Variants in DYNC1H1 observed in about 807,000 individuals in gnomAD.
DYNC1H1 encodes the protein dynein cytoplasmic 1 heavy chain 1.
DYNC1H1 carries 51 observed loss-of-function variants against 527.1 expected under a neutral mutation model. The observed-to-expected ratio is 0.10, with a 90% confidence interval of 0.08 to 0.12. The LOEUF is 0.12. DYNC1H1 is among the 10% of genes least tolerant of loss of function. DYNC1H1 has a pLI of 1.00. For synonymous variants in DYNC1H1, 2,189 were observed against 2,278.8 expected, an observed-to-expected ratio of 0.96 and a Z score of 1.12; for missense variants, 2,771 against 5,971.8, an observed-to-expected ratio of 0.46 and a Z score of 17.66.
At position 102,009,898 on chromosome 14, in the gene DYNC1H1, C is replaced by T. The variant is rs1567010039; in HGVS notation, c.6033C>T (p.Asp2011=). The part of the protein sequence containing the change: ...LLNKQVKVSP[D]MAIFITMNPG... ...ACAAACAAGTCAAGGTGAGCCCGGA[C>T]ATGGCCATCTTCATCACCATGAACC... Residue 2011 remains aspartate, a synonymous_variant, in exon 30 of 78, where the codon GAC becomes GAT. Transcript: ENST00000360184. 3 of 1,614,118 alleles carry T rather than the reference C, an allele frequency of 1.9e-6. No individual in the cohort carries two copies. The highest frequency in any genetic ancestry group is 2.5e-6 in the Non-Finnish European group (3 of 1,180,026).
intron 1 of DYNC1H1, among the ~76,000 whole-genome samples, chr14:101,971,897 G>A (rs1402703461): frequency 6.6e-6 from 1 of 152,142 alleles, no homozygotes; most frequent in African/African-American, 2.4e-5. Flanking sequence ...GTTAACCAAG[G>A]AAGTGTTCAC....
At position 102,015,945 on chromosome 14, in the gene DYNC1H1, G is replaced by A. The variant is rs1212046786; in HGVS notation, c.7332G>A (p.Glu2444=). The change falls in exon 36 of 78, where the codon GAG becomes GAA. Residue 2444 remains glutamate (E), a synonymous_variant. Coordinates refer to ENST00000360184, the MANE Select transcript of DYNC1H1 (RefSeq NM_001376.5). The surrounding 1 kb of genome is among the most constrained non-coding windows in gnomAD (Gnocchi z 6.9). ...TKALEHAFQL[E]HIMDLTRLRC... Reference sequence around the variant, plus strand: ...CGCTAGAGCACGCCTTCCAGCTGGAGCACATCATGGACCTAACACGCCTGC... The same window carrying A: ...CGCTAGAGCACGCCTTCCAGCTGGAACACATCATGGACCTAACACGCCTGC... The A allele has an allele frequency of 1.2e-6, 2 of 1,614,220 alleles. No homozygotes were observed. The highest frequency in any genetic ancestry group is 1.1e-5 in the South Asian group (1 of 91,088).
Position 102,041,278 on chromosome 14 carries a change from T to G in DYNC1H1, c.11942-296T>G. 1 of 449,860 alleles carries G rather than the reference T, an allele frequency of 2.2e-6. No homozygotes were observed. The highest frequency in any genetic ancestry group is 2.1e-5 in the South Asian group (1 of 48,678). The allele number at this position is 449,860 out of a possible 1,614,324, so 27.9% of individuals were successfully genotyped here. A position where few individuals can be genotyped will look rare whatever the true frequency, so the allele number is the denominator to read the frequency against. ...GTGGAGGGCAGAGCGTGGAGCCCCC[T>G]TCCTGAGTACCTTCAGGTGTTCTCA... On this transcript the variant is annotated intron_variant, in intron 64 of 77. Transcript: ENST00000360184. This position sits in a 1 kb window ranked among gnomAD's most constrained non-coding sequence, Gnocchi z 4.5.
At position 102,012,078 on chromosome 14, in the gene DYNC1H1, A is replaced by T; in HGVS notation, c.6822A>T (p.Glu2274Asp). ...GAACCCTGGACCCCAACACCAGGGA[A>T]TGGACAGATGGGCTCTTCACACACG... The part of the protein sequence containing the change: ...LYGTLDPNTR[E>D]WTDGLFTHVL... Residue 2274 changes from glutamate to aspartate, a missense_variant, in exon 33 of 78, where the codon GAA becomes GAT. This residue lies in a region of DYNC1H1 where 56 missense variants were observed against 183.8 expected (regional missense o/e 0.30). Transcript: ENST00000360184. This position sits in a 1 kb window ranked among gnomAD's most constrained non-coding sequence, Gnocchi z 4.9. The T allele has an allele frequency of 6.2e-7, 1 of 1,614,212 alleles. No individual in the cohort carries two copies.
At chr14:101,995,442 T>C (rs2048048733) in intron 15 of DYNC1H1, 142 bp downstream of exon 15, 1 of 1,100,670 alleles carries the variant, frequency 9.1e-7, no homozygotes, top group Non-Finnish European at 1.3e-6. Flanking sequence ...AAATGCTGTC[T>C]CTACTAAAAA....
intron 34 of DYNC1H1, among the ~76,000 whole-genome samples, chr14:102,014,284 A>T (rs531473481): frequency 1.8e-4 from 28 of 152,264 alleles, no homozygotes; most frequent in African/African-American, 6.5e-4. Context: ...CTGTCATCCC[A>T]GTACTTTGGG....
chr14:102,015,894 C>A lies in DYNC1H1; in HGVS notation c.7281C>A (p.Phe2427Leu). The A allele has an allele frequency of 6.2e-7, 1 of 1,614,260 alleles. No homozygotes were observed. The highest frequency in any genetic ancestry group is 8.5e-7 in the Non-Finnish European group (1 of 1,180,040). ...CAGCTACGATCATGCAACCGTACTT[C>A]ACGTCCAACGGCCTGGTCACCAAGG... ...RDAATIMQPY[F>L]TSNGLVTKAL... Residue 2427 changes from phenylalanine to leucine, a missense_variant, in exon 36 of 78, where the codon TTC becomes TTA. By Grantham distance (22) the Phe-to-Leu change is conservative (BLOSUM62 0). Around this residue, in one of 32 missense-constraint regions of DYNC1H1, gnomAD observed 122 missense variants for 168.4 expected, o/e 0.72. Coordinates refer to ENST00000360184, the MANE Select transcript of DYNC1H1 (RefSeq NM_001376.5). The surrounding 1 kb of genome is among the most constrained non-coding windows in gnomAD (Gnocchi z 6.9).
chr14:102,017,690 G>A lies in DYNC1H1; in HGVS notation c.8177+186G>A, dbSNP rs2048339584. On this transcript the variant is annotated intron_variant, in intron 40 of 77. Transcript: ENST00000360184. The surrounding 1 kb of genome is among the most constrained non-coding windows in gnomAD (Gnocchi z 4.6). ...ATGTTAAAAATAAAAGCATTGGCCG[G>A]GCGCAGTGGCTTACGCCTATAATCC... is the stretch of plus-strand genomic sequence containing the variant. The A allele has an allele frequency of 6.0e-6, 7 of 1,171,208 alleles. No homozygotes were observed. Among genetic ancestry groups the A allele is most frequent in the Non-Finnish European group, 8.4e-6 (7 of 828,716 alleles). The allele number at this position is 1,171,208 out of a possible 1,614,324, so 72.6% of individuals were successfully genotyped here. A position where few individuals can be genotyped will look rare whatever the true frequency, so the allele number is the denominator to read the frequency against.
At position 102,002,522 on chromosome 14, in the gene DYNC1H1, C is replaced by T. The variant is rs2141286855; in HGVS notation, c.4543-15C>T. ...AGGGTCAGCAGTTTACCTCTCCCTC[C>T]TGTCTGCCCACCAGGTTTTTGAAGA... On this transcript the variant is annotated splice_polypyrimidine_tract_variant and intron_variant, in intron 21 of 77. Transcript: ENST00000360184. This position sits in a 1 kb window ranked among gnomAD's most constrained non-coding sequence, Gnocchi z 4.4. 6.2e-7 allele frequency: 1 copy of T among 1,613,910 alleles called. No individual in the cohort carries two copies. Among genetic ancestry groups the T allele is most frequent in the Non-Finnish European group, 8.5e-7 (1 of 1,179,872 alleles).
rs1048213824 is a variant in DYNC1H1, at chr14:102,043,818, G to A, written c.12514-57G>A. The A allele has an allele frequency of 5.6e-6, 9 of 1,612,876 alleles. No individual in the cohort carries two copies. In the African/African-American group the frequency reaches 1.2e-4, roughly 22 times the overall value. On this transcript the variant is annotated intron_variant, in intron 69 of 77. Transcript: ENST00000360184. The stretch of plus-strand genomic sequence containing the variant: ...CTTTGACTGACCTGGCATCTGCACT[G>A]TTCTTGGCGAAGTGCTGTTTTCTAA...
chr14:101,988,686 T>C lies in DYNC1H1; in HGVS notation c.2719-17T>C. ...TTTTAGAAGAAACACTGTTCTCTGATATAACGTTGTCTGTAGATTGAAAGA... is the reference window on the plus strand; with the variant it reads ...TTTTAGAAGAAACACTGTTCTCTGACATAACGTTGTCTGTAGATTGAAAGA... On this transcript the variant is annotated splice_polypyrimidine_tract_variant and intron_variant, in intron 9 of 77. Coordinates refer to ENST00000360184, the MANE Select transcript of DYNC1H1 (RefSeq NM_001376.5). The C allele has an allele frequency of 6.2e-7, 1 of 1,614,178 alleles. No individual in the cohort carries two copies. Among genetic ancestry groups the C allele is most frequent in the Non-Finnish European group, 8.5e-7 (1 of 1,180,016 alleles).
chr14:102,012,613 A>G lies in DYNC1H1; in HGVS notation c.7014+143A>G. 8.6e-7 allele frequency: 1 copy of G among 1,161,670 alleles called. No individual in the cohort carries two copies. The allele number at this position is 1,161,670 out of a possible 1,614,324, so 72.0% of individuals were successfully genotyped here. A position where few individuals can be genotyped will look rare whatever the true frequency, so the allele number is the denominator to read the frequency against. On this transcript the variant is annotated intron_variant, in intron 34 of 77. Coordinates refer to ENST00000360184, the MANE Select transcript of DYNC1H1 (RefSeq NM_001376.5). The surrounding 1 kb of genome is among the most constrained non-coding windows in gnomAD (Gnocchi z 4.9). ...TGTGTAAGTAATTTTCAAAGATAGC[A>G]TCTCAACTGCTAGATTTTTTTTCCA...
rs1018857245 is a variant in DYNC1H1, at chr14:102,042,169, T to G, written c.12214+45T>G. 6.2e-7 allele frequency: 1 copy of G among 1,613,854 alleles called. No homozygotes were observed. The highest frequency in any genetic ancestry group is 8.5e-7 in the Non-Finnish European group (1 of 1,179,936). On this transcript the variant is annotated intron_variant, in intron 66 of 77. Transcript: ENST00000360184. The surrounding 1 kb of genome is among the most constrained non-coding windows in gnomAD (Gnocchi z 5.7). The stretch of plus-strand genomic sequence containing the variant: ...TTCATGGGCTGGAGCCCTGCAGGAT[T>G]TGTGGTGGGCATTGATGTCCGAGGC...
chr14:101,982,193 C>T (rs957944234), intron 5 of DYNC1H1, among the ~76,000 whole-genome samples: 1 of 152,228 alleles, frequency 6.6e-6, no homozygotes, highest in Admixed American at 6.5e-5. Context: ...GCCTGATGAT[C>T]TGTCCACCAT....
rs1479912548 is a variant in DYNC1H1, at chr14:102,022,896, C to G, written c.8637+16C>G. On this transcript the variant is annotated intron_variant, in intron 43 of 77. Coordinates refer to ENST00000360184, the MANE Select transcript of DYNC1H1 (RefSeq NM_001376.5). ...GCTGTCAAAGGTAGCAAACTCGCAT[C>G]ATTTCAGACATACTTCTTTTTCTGC... 1 of 1,614,166 alleles carries G rather than the reference C, an allele frequency of 6.2e-7. No homozygotes were observed.
chr14:102,041,959 C>T lies in DYNC1H1; in HGVS notation c.12103-54C>T. On this transcript the variant is annotated intron_variant, in intron 65 of 77. Transcript: ENST00000360184. The surrounding 1 kb of genome is among the most constrained non-coding windows in gnomAD (Gnocchi z 4.5). ...CACTCGGGGCTCTCCTTTCCCTTGA[C>T]AGGTACACACTATTTGCTGGCACTG... 1.3e-6 allele frequency: 2 copies of T among 1,591,142 alleles called. No individual in the cohort carries two copies. Among genetic ancestry groups the T allele is most frequent in the East Asian group, 4.5e-5 (2 of 44,698 alleles).
Position 102,008,733 on chromosome 14 carries a change from A to T in DYNC1H1, c.5977+396A>T, listed in dbSNP as rs17512362. Among the ~76,000 whole-genome samples the T allele has an allele frequency of 5.5e-3, 838 of 152,298 alleles. 17 individuals carry two copies. Among genetic ancestry groups the T allele is most frequent in the East Asian group, 0.037 (190 of 5,186 alleles). Reference sequence around the variant, plus strand: ...AACCCAGGAGGCAGAGGTTGTAGTGAACTGAGATCATGCCACTGCACTCCA... The same window carrying T: ...AACCCAGGAGGCAGAGGTTGTAGTGTACTGAGATCATGCCACTGCACTCCA... On this transcript the variant is annotated intron_variant, in intron 29 of 77. Coordinates refer to ENST00000360184, the MANE Select transcript of DYNC1H1 (RefSeq NM_001376.5).
chr14:102,004,796 A>G lies in DYNC1H1; in HGVS notation c.5084A>G (p.His1695Arg). Residue 1695 changes from histidine (H) to arginine (R), a missense_variant, in exon 25 of 78, where the codon CAT (histidine) becomes CGT (arginine). Transcript: ENST00000360184. ...AAAACTCCTGTGTCAATTACTGAACATCCCAAAATCAATGAGTGGCTCACA... is the reference window on the plus strand; with the variant it reads ...AAAACTCCTGTGTCAATTACTGAACGTCCCAAAATCAATGAGTGGCTCACA... ...MFKTPVSITE[H>R]PKINEWLTLV... The G allele has an allele frequency of 1.9e-6, 3 of 1,614,208 alleles. No individual in the cohort carries two copies. The highest frequency in any genetic ancestry group is 2.5e-6 in the Non-Finnish European group (3 of 1,180,032).
chr14:101,971,407 G>A (rs2047737550), intron 1 of DYNC1H1, among the ~76,000 whole-genome samples: 2 of 151,148 alleles, frequency 1.3e-5, no homozygotes, highest in African/African-American at 4.9e-5. Flanking sequence ...AATTGAAATT[G>A]CATAGTTTTT....
Sources: gnomAD v4.1 joint callset for allele counts (sites outside exome capture counted in the v4.1 genomes callset) on GRCh38, gnomAD v4.1.1 for gene constraint, gnomAD v4.1.1 regional missense constraint, Gnocchi (gnomAD v3.1) non-coding constraint, MANE v1.5 for transcripts, NCBI Gene and HGNC (gene_info 2026-07-23, HGNC 2026-07-21) for gene names.